HDAC3: variants seen among roughly 807,000 people sequenced by gnomAD.
The protein encoded by HDAC3 is histone deacetylase 3.
HDAC3 carries 21 observed loss-of-function variants against 62.3 expected under a neutral mutation model. The observed-to-expected ratio is 0.34, with a 90% CI of 0.24 to 0.49. HDAC3 has a LOEUF of 0.49. Ranked by LOEUF, HDAC3 falls within the 20% of genes least tolerant of loss-of-function variation. The pLI is 0.99. For missense variants in HDAC3, 270 were observed against 556.9 expected (o/e 0.48, Z 5.19); for synonymous variants, 198 against 206.5 (o/e 0.96, Z 0.35).
intron 10 of HDAC3, among the ~76,000 whole-genome samples, chr5:141,627,537 C>A (rs1000129847): frequency 6.6e-6 from 1 of 152,162 alleles, no homozygotes; most frequent in Non-Finnish European, 1.5e-5. Context: ...CCCATTGTAT[C>A]CTGTGTCTCA....
intron 1 of HDAC3, 53 bp from the exon 2 acceptor site, chr5:141,636,683 C>T (rs1189077639): frequency 9.9e-6 from 16 of 1,613,086 alleles, no homozygotes; most frequent in Non-Finnish European, 1.3e-5. Context: ...AGTTGCAACC[C>T]CGCCTCAAAA....
intron 3 of HDAC3, among the ~76,000 whole-genome samples, chr5:141,631,332 G>A (rs1487064794): frequency 6.6e-6 from 1 of 152,106 alleles, no homozygotes; most frequent in Non-Finnish European, 1.5e-5. Context: ...GGCTTGGAAA[G>A]AATTAGTGAT....
chr5:141,633,698 C>CAT, intron 3 of HDAC3, among the ~76,000 whole-genome samples: 1 of 151,476 alleles, frequency 6.6e-6, no homozygotes, highest in Admixed American at 6.6e-5. Flanking sequence ...TGGTGGCAGG[C>CAT]GCCTGTAATC....
rs1282650666 is a variant in HDAC3, at chr5:141,629,482, C to T, written c.477-176G>A. ...CCAGCCTAGAGGCTAGAGGCAGGGA[C>T]AGGAGAGGGATATGCAGAGAAGGCT... is the stretch of plus-strand genomic sequence containing the variant. On this transcript the variant is annotated intron_variant, in intron 6 of 14. Transcript: ENST00000305264. This position sits in a 1 kb window ranked among gnomAD's most constrained non-coding sequence, Gnocchi z 5.3. 8 of 945,384 alleles carry T rather than the reference C, an allele frequency of 8.5e-6. No individual in the cohort carries two copies. Among genetic ancestry groups the T allele is most frequent in the East Asian group, 2.5e-5 (1 of 39,924 alleles). 58.6% of individuals were successfully genotyped at this position (945,384 alleles called of 1,614,324 possible).
At position 141,628,773 on chromosome 5, in the gene HDAC3, T is replaced by A. The variant is rs2099904809; in HGVS notation, c.611-134A>T. On this transcript the variant is annotated intron_variant, in intron 7 of 14. Coordinates refer to ENST00000305264, the MANE Select transcript of HDAC3 (RefSeq NM_003883.4). This position sits in a 1 kb window ranked among gnomAD's most constrained non-coding sequence, Gnocchi z 4.7. ...CCATAAACTCCCTAGAGCCACTAAA[T>A]CTCTTGCAGCTTGCATTCATTGGGC... 3.0e-6 allele frequency: 2 copies of A among 660,534 alleles called. No individual in the cohort carries two copies. Among genetic ancestry groups the A allele is most frequent in the Non-Finnish European group, 5.2e-6 (2 of 381,990 alleles). 40.9% of individuals were successfully genotyped at this position (660,534 alleles called of 1,614,324 possible).
intron 3 of HDAC3, among the ~76,000 whole-genome samples, chr5:141,632,070 C>G (rs1412669391): frequency 6.7e-6 from 1 of 149,482 alleles, no homozygotes; most frequent in Non-Finnish European, 1.5e-5. Context: ...GTTGCCCAGG[C>G]TGGAGTGCAG....
intron 2 of HDAC3, 67 bp from the exon 3 acceptor site, chr5:141,635,020 T>C (rs1407104344): frequency 1.9e-6 from 3 of 1,540,878 alleles, no homozygotes; most frequent in South Asian, 2.3e-5. Flanking sequence ...AGACCACCCA[T>C]ACTGAACCCA....
rs552692674 is a variant in HDAC3 at position 141,627,910 on chromosome 5, G to A, written c.813C>T (p.Leu271=). ...AGTCTCACCCATGCCCTCGGATGCT[G>A]AGGTTAAAGCAGCCCAATCGATCAC... ...LGCDRLGCFN[L]SIRGHGECVE... The change falls in exon 10 of 15, where the codon CTC becomes CTT. Residue 271 remains leucine (L), a synonymous_variant. Coordinates refer to ENST00000305264, the MANE Select transcript of HDAC3 (RefSeq NM_003883.4). The A allele has an allele frequency of 2.5e-6, 4 of 1,614,184 alleles. No individual in the cohort carries two copies. The highest frequency in any genetic ancestry group is 1.1e-5 in the South Asian group (1 of 91,088).
rs2099904376 is a variant in HDAC3 at position 141,625,919 on chromosome 5, G to T, written c.979+94C>A. On this transcript the variant is annotated intron_variant, in intron 12 of 14. Coordinates refer to ENST00000305264, the MANE Select transcript of HDAC3 (RefSeq NM_003883.4). The surrounding 1 kb of genome is among the most constrained non-coding windows in gnomAD (Gnocchi z 4.0). ...GGGTTTAGTCTGCAGAGCTCTGAGA[G>T]TGTAAAATTTCCCATGTGCCTTCAA... is the stretch of plus-strand genomic sequence containing the variant. 3 of 1,330,928 alleles carry T rather than the reference G, an allele frequency of 2.3e-6. No homozygotes were observed. The Admixed American group carries it at 5.0e-5, about 22-fold the overall frequency. The allele number at this position is 1,330,928 out of a possible 1,614,324, so 82.4% of individuals were successfully genotyped here.
chr5:141,626,383 G>C lies in HDAC3; in HGVS notation c.831-100C>G. 2.4e-6 allele frequency: 2 copies of C among 819,520 alleles called. No homozygotes were observed. The highest frequency in any genetic ancestry group is 4.1e-6 in the Non-Finnish European group (2 of 489,864). The allele number at this position is 819,520 out of a possible 1,614,324, so 50.8% of individuals were successfully genotyped here. Reference sequence around the variant, plus strand: ...AAAGGAGCACAAGAAAACTATAAATGTTCTAAATCTTTATCTTGATAGTGA... The same window carrying C: ...AAAGGAGCACAAGAAAACTATAAATCTTCTAAATCTTTATCTTGATAGTGA... On this transcript the variant is annotated intron_variant, in intron 10 of 14. Transcript: ENST00000305264. The surrounding 1 kb of genome is among the most constrained non-coding windows in gnomAD (Gnocchi z 4.6).
In HDAC3 at chr5:141,625,549, C is replaced by A. The variant is rs1454240335; in HGVS notation, c.1059+136G>T. On this transcript the variant is annotated intron_variant, in intron 13 of 14. Coordinates refer to ENST00000305264, the MANE Select transcript of HDAC3 (RefSeq NM_003883.4). This position sits in a 1 kb window ranked among gnomAD's most constrained non-coding sequence, Gnocchi z 4.0. The stretch of plus-strand genomic sequence containing the variant: ...ACTGCCTCTACTTTAAACTGGACTG[C>A]CTCCTAGTCAATAACAGTGACTGTG... The A allele has an allele frequency of 3.7e-6, 4 of 1,090,370 alleles. No individual in the cohort carries two copies. The highest frequency in any genetic ancestry group is 5.5e-6 in the Non-Finnish European group (4 of 724,654). The allele number at this position is 1,090,370 out of a possible 1,614,324, so 67.5% of individuals were successfully genotyped here.
In HDAC3 at chr5:141,626,332, A is replaced by T. The variant is rs1023139468; in HGVS notation, c.831-49T>A. 39 of 1,409,558 alleles carry T rather than the reference A, an allele frequency of 2.8e-5. No individual in the cohort carries two copies. Among genetic ancestry groups the T allele is most frequent in the Non-Finnish European group, 3.6e-5 (36 of 996,968 alleles). The allele number at this position is 1,409,558 out of a possible 1,614,324, so 87.3% of individuals were successfully genotyped here. Reference sequence around the variant, plus strand: ...ATGTGGAGGAGGTTATCAAAAGACAAGGTAAATACCTTTAGGTATTGCCTG... The same window carrying T: ...ATGTGGAGGAGGTTATCAAAAGACATGGTAAATACCTTTAGGTATTGCCTG... On this transcript the variant is annotated intron_variant, in intron 10 of 14. Coordinates refer to ENST00000305264, the MANE Select transcript of HDAC3 (RefSeq NM_003883.4). The surrounding 1 kb of genome is among the most constrained non-coding windows in gnomAD (Gnocchi z 4.6).
rs180770988 is a variant in HDAC3 at position 141,622,886 on chromosome 5, C to T, written c.1218-1349G>A. On this transcript the variant is annotated intron_variant, in intron 14 of 14. Coordinates refer to ENST00000305264, the MANE Select transcript of HDAC3 (RefSeq NM_003883.4). ...CTGTAATCCTAGCACTTTGGGAGGCCGAGGCAGGCAGATCACCTGAGGTCA... is the reference window on the plus strand; with the variant it reads ...CTGTAATCCTAGCACTTTGGGAGGCTGAGGCAGGCAGATCACCTGAGGTCA... 9.9e-5 allele frequency among the ~76,000 whole-genome samples: 15 copies of T among 152,154 alleles called. No individual in the cohort carries two copies. The East Asian group carries it at 1.9e-3, about 20-fold the overall frequency.
In HDAC3 at chr5:141,629,388, G is replaced by A. The variant is rs901630042; in HGVS notation, c.477-82C>T. 1.3e-6 allele frequency: 2 copies of A among 1,584,532 alleles called. No homozygotes were observed. The highest frequency in any genetic ancestry group is 2.7e-5 in the African/African-American group (2 of 74,238). ...TCTCAAACACCGGGTCTCGAATTGTGAAGAGTCTGCTTCTGCCCTGGTCAC... is the reference window on the plus strand; with the variant it reads ...TCTCAAACACCGGGTCTCGAATTGTAAAGAGTCTGCTTCTGCCCTGGTCAC... On this transcript the variant is annotated intron_variant, in intron 6 of 14. Transcript: ENST00000305264. This position sits in a 1 kb window ranked among gnomAD's most constrained non-coding sequence, Gnocchi z 5.3.
intron 2 of HDAC3, chr5:141,636,310 C>T (rs1596448016): frequency 8.8e-6 from 5 of 570,104 alleles, no homozygotes; most frequent in Non-Finnish European, 1.6e-5. Flanking sequence ...AACCCTAGGC[C>T]AAGGGCTAGT....
intron 3 of HDAC3, among the ~76,000 whole-genome samples, chr5:141,632,334 T>G (rs1243374413): frequency 6.6e-6 from 1 of 152,076 alleles, no homozygotes; most frequent in African/African-American, 2.4e-5. Flanking sequence ...TTGGGACTAC[T>G]TTTTTATTTT....
At position 141,630,107 on chromosome 5, in the gene HDAC3, G is replaced by A; in HGVS notation, c.300C>T (p.Leu100=). 6.2e-7 allele frequency: 1 copy of A among 1,614,112 alleles called. No individual in the cohort carries two copies. ...CTGTGTAACGCGAGCAGAACTCAAA[G>A]AGCCCGGGAAACACTGGGCTGCAGG... ...VGDDCPVFPG[L]FEFCSRYTGA... The change falls in exon 4 of 15, where the codon CTC becomes CTT. Residue 100 remains leucine, a synonymous_variant. Transcript: ENST00000305264.
rs879065119 is a variant in HDAC3, at chr5:141,626,126, G to A, written c.921-55C>T. 2 of 1,604,434 alleles carry A rather than the reference G, an allele frequency of 1.2e-6. No homozygotes were observed. The highest frequency in any genetic ancestry group is 1.7e-5 in the Admixed American group (1 of 60,012). On this transcript the variant is annotated intron_variant, in intron 11 of 14. Transcript: ENST00000305264. This position sits in a 1 kb window ranked among gnomAD's most constrained non-coding sequence, Gnocchi z 4.6. ...TGACCAAGTGGGCTGAAGGACCCAT[G>A]TGGCCATATCTGAGGGACACCCTAG...
chr5:141,632,872 A>C (rs1018567688), intron 3 of HDAC3, among the ~76,000 whole-genome samples: 1 of 152,186 alleles, frequency 6.6e-6, no homozygotes, highest in African/African-American at 2.4e-5. Context: ...ATGCCAGCCT[A>C]ATGAGTTGGC....
Sources: gnomAD v4.1 joint callset for allele counts (sites outside exome capture counted in the v4.1 genomes callset) on GRCh38, gnomAD v4.1.1 for gene constraint, Gnocchi (gnomAD v3.1) non-coding constraint, MANE v1.5 for transcripts, NCBI Gene and HGNC (gene_info 2026-07-23, HGNC 2026-07-21) for gene names.